MEGF6: variants seen among roughly 807,000 people sequenced by gnomAD.
The protein encoded by MEGF6 is multiple epidermal growth factor-like domains protein 6.
A neutral mutation model predicts 207.1 loss-of-function variants in MEGF6; 184 were observed. The ratio of observed to expected loss-of-function variants is 0.89; its 90% CI spans 0.79 to 1.00. MEGF6 has a LOEUF of 1.00. Ranked by LOEUF, MEGF6 falls within the 50% of genes least tolerant of loss-of-function variation. The pLI, the probability that MEGF6 is intolerant of heterozygous loss-of-function variation, is 0.00. For missense variants in MEGF6, 2,282 were observed against 2,202.9 expected, an observed-to-expected ratio of 1.04 and a Z score of -0.72; for synonymous variants, 1,038 against 910.0, an observed-to-expected ratio of 1.14 and a Z score of -2.53.
chr1:3,495,386 G>A (rs1640557003), intron 30 of MEGF6, among the ~76,000 whole-genome samples: 1 of 152,180 alleles, frequency 6.6e-6, no homozygotes, highest in African/African-American at 2.4e-5. Flanking sequence ...CTGTGTTCAT[G>A]AGCACTGGGC....
intron 4 of MEGF6, among the ~76,000 whole-genome samples, chr1:3,579,474 C>T (rs528929305): frequency 1.4e-4 from 21 of 152,200 alleles, no homozygotes; most frequent in Non-Finnish European, 3.1e-4. Context: ...GACAGTTCAG[C>T]AAGGTGGCAG....
In MEGF6 at chr1:3,602,631, C is replaced by T. The variant is rs541519121; in HGVS notation, c.132-31G>A. ...ACAGAGACACGGAGAGTCAGCGCCT[C>T]GGCCACCCCCAGCCGGCAACACCCA... On this transcript the variant is annotated intron_variant, in intron 1 of 36. Transcript: ENST00000356575. 4.7e-5 allele frequency: 75 copies of T among 1,579,748 alleles called. No homozygotes were observed. In the Middle Eastern group the frequency reaches 5.2e-4, roughly 11 times the overall value.
rs764917043 is a variant in MEGF6 at position 3,509,260 on chromosome 1, G to T, written c.1358-15C>A. On this transcript the variant is annotated splice_polypyrimidine_tract_variant and intron_variant, in intron 11 of 36. Coordinates refer to ENST00000356575, the MANE Select transcript of MEGF6 (RefSeq NM_001409.4). ...CTCCTCCAGGGCTGCCAGGGGCACA[G>T]AGGCGCCTTAGCCCCTGCCACCCAC... 1 of 1,456,512 alleles carries T rather than the reference G, an allele frequency of 6.9e-7. No individual in the cohort carries two copies. The allele number at this position is 1,456,512 out of a possible 1,614,324, so 90.2% of individuals were successfully genotyped here. A position where few individuals can be genotyped will look rare whatever the true frequency, so the allele number is the denominator to read the frequency against.
intron 14 of MEGF6, among the ~76,000 whole-genome samples, chr1:3,506,626 G>A (rs1407187746): frequency 4.6e-5 from 7 of 152,182 alleles, no homozygotes; most frequent in Non-Finnish European, 1.0e-4. Flanking sequence ...CAAGGTCCCA[G>A]GCCCAAGCCG....
Position 3,496,391 on chromosome 1 carries a change from G to A in MEGF6, c.3742+264C>T, listed in dbSNP as rs1421772474. On this transcript the variant is annotated intron_variant, in intron 29 of 36. Transcript: ENST00000356575. Reference sequence around the variant, plus strand: ...TGTGCCTGGCTGTGCTCAAGCCCCTGGCAGACATGGCGCAGGTCGCCGGGC... The same window carrying A: ...TGTGCCTGGCTGTGCTCAAGCCCCTAGCAGACATGGCGCAGGTCGCCGGGC... Among the ~76,000 whole-genome samples, 5 of 152,272 alleles carry A rather than the reference G, an allele frequency of 3.3e-5. No homozygotes were observed. The East Asian group carries it at 5.8e-4, about 18-fold the overall frequency.
the MEGF6 span, among the ~76,000 whole-genome samples, chr1:3,620,227 G>T: frequency 6.6e-6 from 1 of 152,234 alleles, no homozygotes; most frequent in Non-Finnish European, 1.5e-5. Flanking sequence ...TGGAACTTAT[G>T]TTTAAAAGCA....
intron 1 of MEGF6, among the ~76,000 whole-genome samples, chr1:3,609,537 C>T (rs1024923845): frequency 7.2e-5 from 11 of 152,332 alleles, no homozygotes; most frequent in African/African-American, 1.7e-4. Context: ...AGGCCCCCAG[C>T]GCAGCCACCG....
intron 3 of MEGF6, among the ~76,000 whole-genome samples, chr1:3,585,391 G>A (rs1643878671): frequency 6.7e-6 from 1 of 149,270 alleles, no homozygotes; most frequent in African/African-American, 2.5e-5. Context: ...CTGGACGCAT[G>A]TCCTGTGTGT....
Position 3,501,852 on chromosome 1 carries a change from C to G in MEGF6, c.2258G>C (p.Gly753Ala). Residue 753 changes from glycine (G) to alanine (A), a missense_variant, in exon 18 of 37, where the codon GGG becomes GCG. Gly to Ala is a moderately conservative substitution (Grantham distance 60). Transcript: ENST00000356575. ...CGGACACCGGCACTGCCCCGTGACC[C>G]CGTGGCAGGGGGCCCCCCCACAGGA... ...SCSCGGAPCH[G>A]VTGQCRCPPG... 1.9e-6 allele frequency: 3 copies of G among 1,608,128 alleles called. No individual in the cohort carries two copies. Among genetic ancestry groups the G allele is most frequent in the Non-Finnish European group, 2.5e-6 (3 of 1,178,458 alleles).
chr1:3,583,393 CGCGCAG>C (rs1358115345), intron 3 of MEGF6, among the ~76,000 whole-genome samples: 24 of 97,048 alleles, frequency 2.5e-4, no homozygotes, highest in African/African-American at 5.8e-4. Context: ...CACCAGACAA[CGCGCAG>C]CCACCAGACA....
intron 4 of MEGF6, among the ~76,000 whole-genome samples, chr1:3,574,927 G>A (rs749945038): frequency 1.3e-5 from 2 of 152,222 alleles, no homozygotes; most frequent in Non-Finnish European, 2.9e-5. Flanking sequence ...ACAGGTGTGA[G>A]CCACCACGCC....
intron 26 of MEGF6, among the ~76,000 whole-genome samples, chr1:3,497,844 C>T (rs1464506397): frequency 1.3e-5 from 2 of 152,172 alleles, no homozygotes; most frequent in Admixed American, 6.5e-5. Context: ...GCAGTGGGGA[C>T]GGCGCCTCTG....
At position 3,587,338 on chromosome 1, in the gene MEGF6, G is replaced by A. The variant is rs1007443746; in HGVS notation, c.377-7409C>T. Among the ~76,000 whole-genome samples the A allele has an allele frequency of 1.4e-4, 21 of 152,358 alleles. No homozygotes were observed. The East Asian group carries it at 2.7e-3, about 20-fold the overall frequency. On this transcript the variant is annotated intron_variant, in intron 3 of 36. Coordinates refer to ENST00000356575, the MANE Select transcript of MEGF6 (RefSeq NM_001409.4). ...CATCAGAGGCCCTTGTAAGGCCCAC[G>A]GAGGCCGCCAGGGCCAGACCAGGAG...
intron 4 of MEGF6, among the ~76,000 whole-genome samples, chr1:3,524,583 T>G (rs58770980): frequency 0.049 from 7,454 of 152,232 alleles, 616 homozygotes; most frequent in African/African-American, 0.17. Flanking sequence ...ATCTACAAAG[T>G]GCTTCCTGGG....
intron 35 of MEGF6, among the ~76,000 whole-genome samples, chr1:3,491,533 G>A (rs1640365188): frequency 6.6e-6 from 1 of 152,000 alleles, no homozygotes; most frequent in African/African-American, 2.4e-5. Context: ...CTGCAGCCAG[G>A]ACTGCCTTAG....
At position 3,489,364 on chromosome 1, in the gene MEGF6, GGA is replaced by G. The variant is rs1181038173; in HGVS notation, c.*1162_*1163del. 6.6e-6 allele frequency among the ~76,000 whole-genome samples: 1 copy of G among 152,210 alleles called. No homozygotes were observed. Among genetic ancestry groups the G allele is most frequent in the South Asian group, 2.1e-4 (1 of 4,836 alleles). On this transcript the variant is annotated 3_prime_UTR_variant, in exon 37 of 37. Coordinates refer to ENST00000356575, the MANE Select transcript of MEGF6 (RefSeq NM_001409.4). ...CAGACCCTAAGGGGGCCTTCTTAAG[GGA>G]GAGAGAGTCCTATGTTGCGGTGTGA...
intron 14 of MEGF6, among the ~76,000 whole-genome samples, chr1:3,506,684 AT>A (rs1337321543): frequency 2.6e-5 from 4 of 151,932 alleles, no homozygotes; most frequent in Non-Finnish European, 5.9e-5. Context: ...TCCCCAAACA[AT>A]TCTCTCTGGC....
intron 4 of MEGF6, among the ~76,000 whole-genome samples, chr1:3,545,245 G>A (rs534289517): frequency 8.5e-5 from 13 of 152,214 alleles, no homozygotes; most frequent in African/African-American, 2.2e-4. Context: ...AGGTGAAATC[G>A]GTTCAGCACA....
At position 3,555,691 on chromosome 1, in the gene MEGF6, C is replaced by T. The variant is rs148918624; in HGVS notation, c.481+24134G>A. 4.1e-3 allele frequency among the ~76,000 whole-genome samples: 621 copies of T among 152,306 alleles called. 2 individuals carry two copies. Among genetic ancestry groups the T allele is most frequent in the African/African-American group, 0.014 (579 of 41,576 alleles). ...GGGCCGAGAGGAGCCTTCTCCAGCC[C>T]GCCCTGCCCCGCAGGGCTGCCAGGT... On this transcript the variant is annotated intron_variant, in intron 4 of 36. Transcript: ENST00000356575.
Sources: allele counts gnomAD v4.1 joint callset (sites outside exome capture counted in the v4.1 genomes callset), GRCh38; gene constraint gnomAD v4.1.1; transcripts MANE v1.5; gene names NCBI Gene and HGNC (gene_info 2026-07-23, HGNC 2026-07-21).